UBE2D1: variants seen among roughly 807,000 people sequenced by gnomAD.
UBE2D1 encodes the protein ubiquitin conjugating enzyme E2 D1.
Under a neutral mutation model 24.6 loss-of-function variants are expected in UBE2D1, and 9 were observed. That is an observed-to-expected ratio of 0.37 (90% confidence interval 0.22 to 0.64). UBE2D1 has a LOEUF of 0.64. UBE2D1 is among the 30% of genes least tolerant of loss of function. The pLI is 0.64. For synonymous variants in UBE2D1, 57 were observed against 57.6 expected, an observed-to-expected ratio of 0.99 and a Z score of 0.04; for missense variants, 87 against 177.1, an observed-to-expected ratio of 0.49 and a Z score of 2.89.
intron 5 of UBE2D1, among the ~76,000 whole-genome samples, chr10:58,366,404 C>G (rs1429536032): frequency 1.3e-5 from 2 of 152,076 alleles, no homozygotes; most frequent in Non-Finnish European, 2.9e-5. Context: ...TTAACTGTTA[C>G]CCTTTTCCTT....
chr10:58,360,981 A>G (rs189543016), intron 1 of UBE2D1: 10 of 464,376 alleles, frequency 2.2e-5, no homozygotes, highest in Non-Finnish European at 3.8e-5. Context: ...TGCTCCCTCA[A>G]TAGATTGTAA....
At chr10:58,345,206 C>T (rs1040061951) in intron 1 of UBE2D1, among the ~76,000 whole-genome samples, 6 of 152,024 alleles carry the variant, frequency 3.9e-5, no homozygotes, top group African/African-American at 1.2e-4. Flanking sequence ...GCACGTGGCT[C>T]ATGCCTGTAA....
chr10:58,357,486 G>A (rs1840144806), intron 1 of UBE2D1, among the ~76,000 whole-genome samples: 1 of 151,776 alleles, frequency 6.6e-6, no homozygotes, highest in Non-Finnish European at 1.5e-5. Flanking sequence ...AAAAAAGTGG[G>A]GTTTTTGTTT....
intron 1 of UBE2D1, among the ~76,000 whole-genome samples, chr10:58,343,342 T>C (rs1191168833): frequency 6.6e-6 from 1 of 152,170 alleles, no homozygotes; most frequent in Non-Finnish European, 1.5e-5. Flanking sequence ...ATAGAAAATA[T>C]TAGTGCTTTG....
Position 58,370,505 on chromosome 10 carries a change from A to G in UBE2D1, c.*1740A>G, listed in dbSNP as rs894217849. Reference sequence around the variant, plus strand: ...TAGGCTTAAAAAGTAAATCTATAAAATGATGTCTTAAAACAGCCATATCAT... The same window carrying G: ...TAGGCTTAAAAAGTAAATCTATAAAGTGATGTCTTAAAACAGCCATATCAT... On this transcript the variant is annotated 3_prime_UTR_variant, in exon 7 of 7. Coordinates refer to ENST00000373910, the MANE Select transcript of UBE2D1 (RefSeq NM_003338.5). 3 of 152,630 alleles carry G rather than the reference A, an allele frequency of 2.0e-5. No individual in the cohort carries two copies. The East Asian group carries it at 5.7e-4, about 29-fold the overall frequency. The allele number at this position is 152,630 out of a possible 1,614,324, so 9.5% of individuals were successfully genotyped here. A position where few individuals can be genotyped will look rare whatever the true frequency, so the allele number is the denominator to read the frequency against.
At chr10:58,358,042 T>C (rs1324227759) in intron 1 of UBE2D1, among the ~76,000 whole-genome samples, 1 of 152,052 alleles carries the variant, frequency 6.6e-6, no homozygotes, top group Non-Finnish European at 1.5e-5. Context: ...TGTTTTTATA[T>C]ATAATATAAT....
At chr10:58,340,572 A>C (rs1398874621) in intron 1 of UBE2D1, among the ~76,000 whole-genome samples, 1 of 152,180 alleles carries the variant, frequency 6.6e-6, no homozygotes, top group Non-Finnish European at 1.5e-5. Flanking sequence ...GTGACACTTC[A>C]CTTAAAATGT....
intron 5 of UBE2D1, among the ~76,000 whole-genome samples, chr10:58,365,787 T>G (rs956647628): frequency 6.6e-6 from 1 of 152,190 alleles, no homozygotes; most frequent in Non-Finnish European, 1.5e-5. Context: ...TTTTATAAAA[T>G]TGAAGAAAAT....
chr10:58,338,822 G>A (rs1426071516), intron 1 of UBE2D1, among the ~76,000 whole-genome samples: 3 of 152,144 alleles, frequency 2.0e-5, no homozygotes, highest in Non-Finnish European at 4.4e-5. Context: ...GAAAAGTGAG[G>A]CAATAGAGTT....
At chr10:58,343,928 TC>T (rs1839988349) in intron 1 of UBE2D1, among the ~76,000 whole-genome samples, 1 of 152,184 alleles carries the variant, frequency 6.6e-6, no homozygotes, top group Non-Finnish European at 1.5e-5. Context: ...TCTTTTTTCT[TC>T]CATCTTTTTT....
At chr10:58,357,595 C>G (rs1329594790) in intron 1 of UBE2D1, among the ~76,000 whole-genome samples, 3 of 152,028 alleles carry the variant, frequency 2.0e-5, no homozygotes. Context: ...AATTTAAAGT[C>G]TGTATTTTTG....
rs1840300811 is a variant in UBE2D1 at position 58,370,236 on chromosome 10, G to A, written c.*1471G>A. The A allele has an allele frequency of 6.6e-6, 1 of 152,092 alleles. No individual in the cohort carries two copies. Among genetic ancestry groups the A allele is most frequent in the Non-Finnish European group, 1.5e-5 (1 of 67,912 alleles). 9.4% of individuals were successfully genotyped at this position (152,092 alleles called of 1,614,324 possible). A position where few individuals can be genotyped will look rare whatever the true frequency, so the allele number is the denominator to read the frequency against. Reference sequence around the variant, plus strand: ...CATCTCTTTAATGTTTAGCATGCTTGTCAACCTTGAGTGAGTGTCATTTTT... The same window carrying A: ...CATCTCTTTAATGTTTAGCATGCTTATCAACCTTGAGTGAGTGTCATTTTT... On this transcript the variant is annotated 3_prime_UTR_variant, in exon 7 of 7. Transcript: ENST00000373910.
Position 58,335,130 on chromosome 10 carries a change from C to T in UBE2D1, c.-72C>T, listed in dbSNP as rs1839886544. On this transcript the variant is annotated 5_prime_UTR_variant, in exon 1 of 7. Coordinates refer to ENST00000373910, the MANE Select transcript of UBE2D1 (RefSeq NM_003338.5). ...AGCCTAGCTGCCAGCGAGCCCAACC[C>T]GCGACGACCCACGCCCCTGAGCCCC... 1.3e-6 allele frequency: 2 copies of T among 1,501,432 alleles called. No individual in the cohort carries two copies. The highest frequency in any genetic ancestry group is 2.6e-5 in the East Asian group (1 of 39,050). The allele number at this position is 1,501,432 out of a possible 1,614,324, so 93.0% of individuals were successfully genotyped here.
intron 1 of UBE2D1, among the ~76,000 whole-genome samples, chr10:58,348,570 C>T (rs1840040448): frequency 6.6e-6 from 1 of 152,172 alleles, no homozygotes; most frequent in South Asian, 2.1e-4. Context: ...AAGTCAGCCG[C>T]TTGCATGGAC....
In UBE2D1 at chr10:58,368,862, C is replaced by T. The variant is rs1169466531; in HGVS notation, c.*97C>T. 11 of 717,626 alleles carry T rather than the reference C, an allele frequency of 1.5e-5. No individual in the cohort carries two copies. The Admixed American group carries it at 3.9e-4, about 25-fold the overall frequency. The allele number at this position is 717,626 out of a possible 1,614,324, so 44.5% of individuals were successfully genotyped here. On this transcript the variant is annotated 3_prime_UTR_variant, in exon 7 of 7. Transcript: ENST00000373910. ...GAGCACTGTTTACTGTTTCATTGTA[C>T]CATGAAACCATTTGATTTTTACCCA...
chr10:58,368,701 C>A lies in UBE2D1; in HGVS notation c.399-19C>A. 1 of 1,542,744 alleles carries A rather than the reference C, an allele frequency of 6.5e-7. No individual in the cohort carries two copies. On this transcript the variant is annotated intron_variant, in intron 6 of 6. Transcript: ENST00000373910. Reference sequence around the variant, plus strand: ...TTAATTTTGTATGTTTTTACTATATCCTTTTTGTGTATCTACAGATACAAC... The same window carrying A: ...TTAATTTTGTATGTTTTTACTATATACTTTTTGTGTATCTACAGATACAAC...
chr10:58,347,039 C>T (rs559908264), intron 1 of UBE2D1, among the ~76,000 whole-genome samples: 10 of 152,316 alleles, frequency 6.6e-5, no homozygotes, highest in African/African-American at 2.4e-4. Context: ...TCTTCAGATT[C>T]CTCCTTCTGT....
intron 5 of UBE2D1, among the ~76,000 whole-genome samples, chr10:58,366,869 ACC>A (rs1840261462): frequency 2.0e-5 from 3 of 151,996 alleles, no homozygotes; most frequent in African/African-American, 7.3e-5. Context: ...GGCACATACC[ACC>A]ATTGCCTGGA....
chr10:58,369,850 A>G lies in UBE2D1; in HGVS notation c.*1085A>G, dbSNP rs1050917923. On this transcript the variant is annotated 3_prime_UTR_variant, in exon 7 of 7. Transcript: ENST00000373910. The stretch of plus-strand genomic sequence containing the variant: ...GGGGTTTGTCTTGGATTATATCTAA[A>G]TGGATTATTTGTTAAAAGTACTGAA... 8 of 152,012 alleles carry G rather than the reference A, an allele frequency of 5.3e-5. No individual in the cohort carries two copies. The highest frequency in any genetic ancestry group is 1.9e-4 in the African/African-American group (8 of 41,420). The allele number at this position is 152,012 out of a possible 1,614,324, so 9.4% of individuals were successfully genotyped here.
Sources: allele counts gnomAD v4.1 joint callset (sites outside exome capture counted in the v4.1 genomes callset), GRCh38; gene constraint gnomAD v4.1.1; transcripts MANE v1.5; gene names NCBI Gene and HGNC (gene_info 2026-07-23, HGNC 2026-07-21).